The following SDK1 variants were observed in gnomAD, a reference collection of about 807,000 sequenced individuals.
The protein encoded by SDK1 is sidekick cell adhesion molecule 1, also known as protein sidekick-1.
A neutral mutation model predicts 245.5 loss-of-function variants in SDK1; 157 were observed. The observed-to-expected ratio is 0.64, with a 90% CI of 0.56 to 0.73. The LOEUF is 0.73. SDK1 is among the 30% of genes least tolerant of loss of function. The pLI, the probability that SDK1 is intolerant of heterozygous loss-of-function variation, is 0.00. For synonymous variants in SDK1, 1,647 were observed against 1,278.5 expected, an observed-to-expected ratio of 1.29 and a Z score of -6.15; for missense variants, 3,583 against 3,002.3, an observed-to-expected ratio of 1.19 and a Z score of -4.52.
At chr7:4,258,948 T>C (rs1183107262) in intron 44 of SDK1, among the ~76,000 whole-genome samples, 2 of 152,256 alleles carry the variant, frequency 1.3e-5, no homozygotes, top group Non-Finnish European at 2.9e-5. Flanking sequence ...TTTCAATACA[T>C]GTGATTTTCC....
At chr7:3,850,884 G>T (rs1157991958) in intron 5 of SDK1, among the ~76,000 whole-genome samples, 4 of 151,938 alleles carry the variant, frequency 2.6e-5, no homozygotes, top group South Asian at 2.1e-4. Context: ...GGGAGGGAAA[G>T]AATTAAGAGA....
At chr7:4,147,579 T>C (rs1014435415) in intron 29 of SDK1, among the ~76,000 whole-genome samples, 5 of 152,130 alleles carry the variant, frequency 3.3e-5, no homozygotes, top group Non-Finnish European at 5.9e-5. Flanking sequence ...TCCCATAGCA[T>C]TCAGTGAAAG....
At chr7:4,189,038 A>G (rs924506391) in intron 35 of SDK1, among the ~76,000 whole-genome samples, 3 of 142,694 alleles carry the variant, frequency 2.1e-5, no homozygotes, top group African/African-American at 8.3e-5. Context: ...GAATTTTACA[A>G]TCATTTTGGC....
At chr7:3,413,999 C>G (rs562904347) in intron 1 of SDK1, among the ~76,000 whole-genome samples, 1 of 152,102 alleles carries the variant, frequency 6.6e-6, no homozygotes, top group East Asian at 1.9e-4. Context: ...ACTTGGGCTG[C>G]TGAGTGGAGA....
At position 3,625,575 on chromosome 7, in the gene SDK1, G is replaced by A. The variant is rs1340597045; in HGVS notation, c.458+6336G>A. Among the ~76,000 whole-genome samples the A allele has an allele frequency of 3.3e-5, 5 of 152,204 alleles. No individual in the cohort carries two copies. In the South Asian group the frequency reaches 8.3e-4, roughly 25 times the overall value. On this transcript the variant is annotated intron_variant, in intron 2 of 44. Transcript: ENST00000404826. ...CTTATCAAGTTGGCAGTCACTCTAA[G>A]TGGCTGGAGCTCAATCTTGTTTGCA... is the stretch of plus-strand genomic sequence containing the variant.
At chr7:4,028,218 G>C (rs1490675254) in intron 17 of SDK1, among the ~76,000 whole-genome samples, 1 of 152,116 alleles carries the variant, frequency 6.6e-6, no homozygotes, top group Non-Finnish European at 1.5e-5. Context: ...TGCCCTCCAG[G>C]TGACTCTAAC....
At chr7:3,733,035 C>G (rs1328814094) in intron 4 of SDK1, among the ~76,000 whole-genome samples, 1 of 152,172 alleles carries the variant, frequency 6.6e-6, no homozygotes, top group African/African-American at 2.4e-5. Context: ...TGACAAGTGA[C>G]TTCATCCCTG....
chr7:3,601,803 A>G (rs1045453636), intron 1 of SDK1, among the ~76,000 whole-genome samples: 10 of 149,134 alleles, frequency 6.7e-5, no homozygotes, highest in Non-Finnish European at 1.5e-4. Flanking sequence ...CATTAGGTAT[A>G]TCTCCTAATG....
At chr7:3,902,998 T>G (rs1360139644) in intron 5 of SDK1, among the ~76,000 whole-genome samples, 1 of 151,650 alleles carries the variant, frequency 6.6e-6, no homozygotes, top group Admixed American at 6.6e-5. Context: ...CCAAAGAAGA[T>G]AAAAAAAACG....
At chr7:4,116,781 C>T (rs980593294) in intron 25 of SDK1, among the ~76,000 whole-genome samples, 5 of 152,176 alleles carry the variant, frequency 3.3e-5, no homozygotes, top group Non-Finnish European at 5.9e-5. Flanking sequence ...TAGGGCGTGG[C>T]GTGAACCCTG....
intron 4 of SDK1, among the ~76,000 whole-genome samples, chr7:3,707,811 G>A (rs1784934601): frequency 6.6e-6 from 1 of 152,010 alleles, no homozygotes; most frequent in Non-Finnish European, 1.5e-5. Context: ...GACCTTTTGT[G>A]TCTCTTTTTT....
At chr7:3,503,590 A>G (rs1481376001) in intron 1 of SDK1, among the ~76,000 whole-genome samples, 1 of 152,126 alleles carries the variant, frequency 6.6e-6, no homozygotes, top group East Asian at 1.9e-4. Context: ...GGTGGGAGGA[A>G]CACTAGAGAC....
At chr7:4,013,055 C>G (rs1451858723) in intron 16 of SDK1, among the ~76,000 whole-genome samples, 1 of 152,150 alleles carries the variant, frequency 6.6e-6, no homozygotes, top group Non-Finnish European at 1.5e-5. Context: ...TGAAACCTCC[C>G]AACTTTTAGA....
intron 4 of SDK1, among the ~76,000 whole-genome samples, chr7:3,667,807 T>C (rs959813301): frequency 4.6e-5 from 7 of 152,232 alleles, no homozygotes; most frequent in Non-Finnish European, 1.0e-4. Context: ...AGTAGTATTT[T>C]ATTGTGTGCA....
At chr7:3,540,129 G>T (rs963388750) in intron 1 of SDK1, among the ~76,000 whole-genome samples, 2 of 152,200 alleles carry the variant, frequency 1.3e-5, no homozygotes, top group African/African-American at 4.8e-5. Context: ...GAGGGAGGCC[G>T]GGTGTGGTGG....
Position 3,301,827 on chromosome 7 carries a change from C to A in SDK1, c.241C>A (p.Arg81Ser). The A allele has an allele frequency of 9.0e-7, 1 of 1,111,194 alleles. No homozygotes were observed. The highest frequency in any genetic ancestry group is 4.3e-5 in the South Asian group (1 of 23,292). The allele number at this position is 1,111,194 out of a possible 1,614,324, so 68.8% of individuals were successfully genotyped here. A position where few individuals can be genotyped will look rare whatever the true frequency, so the allele number is the denominator to read the frequency against. ...RRAAKLGPGRRGWWALLALQL... is the reference protein window; with the variant it reads ...RRAAKLGPGRSGWWALLALQL... The stretch of plus-strand genomic sequence containing the variant: ...GGCGGCAAAGTTGGGGCCGGGCCGC[C>A]GCGGCTGGTGGGCGCTGCTGGCGCT... Residue 81 changes from arginine to serine, a missense_variant, in exon 1 of 45, where the codon CGC (arginine) becomes AGC (serine). Arg to Ser is a moderately radical substitution (Grantham distance 110). Coordinates refer to ENST00000404826, the MANE Select transcript of SDK1 (RefSeq NM_152744.4).
chr7:3,449,971 T>C (rs202140821), intron 1 of SDK1, among the ~76,000 whole-genome samples: 1 of 152,060 alleles, frequency 6.6e-6, no homozygotes, highest in African/African-American at 2.4e-5. Context: ...AGACTGGCTG[T>C]TGGGGGGTCG....
intron 17 of SDK1, among the ~76,000 whole-genome samples, chr7:4,030,286 T>C (rs1787697877): frequency 6.6e-6 from 1 of 152,206 alleles, no homozygotes; most frequent in South Asian, 2.1e-4. Flanking sequence ...ATTCAAATAG[T>C]GTGACAGCTA....
intron 1 of SDK1, among the ~76,000 whole-genome samples, chr7:3,586,586 T>A (rs1288351127): frequency 6.7e-6 from 1 of 150,182 alleles, no homozygotes; most frequent in East Asian, 2.0e-4. Flanking sequence ...GCGCCTGTAG[T>A]CCTAGCTACT....
Sources: gnomAD v4.1 joint callset for allele counts (sites outside exome capture counted in the v4.1 genomes callset) on GRCh38, gnomAD v4.1.1 for gene constraint, MANE v1.5 for transcripts, NCBI Gene and HGNC (gene_info 2026-07-23, HGNC 2026-07-21) for gene names.